The following IQSEC1 variants were observed in gnomAD, a reference collection of about 807,000 sequenced individuals.
The protein encoded by IQSEC1 is IQ motif and SEC7 domain-containing protein 1.
Under a neutral mutation model 91.0 loss-of-function variants are expected in IQSEC1, and 31 were observed. That is an observed-to-expected ratio of 0.34 (90% CI 0.26 to 0.46). The LOEUF (loss-of-function observed/expected upper bound fraction) is 0.46. IQSEC1 is among the 20% of genes least tolerant of loss of function. The pLI is 1.00. For missense variants in IQSEC1, 1,388 were observed against 1,575.6 expected, an observed-to-expected ratio of 0.88 and a Z score of 2.02; for synonymous variants, 699 against 662.6, an observed-to-expected ratio of 1.05 and a Z score of -0.84.
intron 1 of IQSEC1, among the ~76,000 whole-genome samples, chr3:13,025,773 G>A (rs973505356): frequency 6.6e-6 from 1 of 152,196 alleles, no homozygotes; most frequent in African/African-American, 2.4e-5. Flanking sequence ...CTTACTCACT[G>A]GGGGTCCGTG....
chr3:12,987,851 G>A (rs1290543378), intron 1 of IQSEC1, among the ~76,000 whole-genome samples: 3 of 152,186 alleles, frequency 2.0e-5, no homozygotes, highest in Non-Finnish European at 2.9e-5. Context: ...CAACCTCATC[G>A]GGGAGATGCA....
intron 1 of IQSEC1, among the ~76,000 whole-genome samples, chr3:13,191,518 G>C (rs1694032920): frequency 1.2e-5 from 1 of 85,004 alleles, no homozygotes; most frequent in Non-Finnish European, 2.2e-5. Context: ...TGTATTTTTA[G>C]TAGAGACAGG....
intron 2 of IQSEC1, among the ~76,000 whole-genome samples, chr3:13,079,552 G>A (rs965063248): frequency 2.0e-5 from 3 of 152,228 alleles, no homozygotes; most frequent in Non-Finnish European, 4.4e-5. Context: ...CCAGTGTCGT[G>A]GAGACAGAGA....
chr3:12,944,370 G>A (rs554662522), intron 1 of IQSEC1, among the ~76,000 whole-genome samples: 8 of 152,224 alleles, frequency 5.3e-5, no homozygotes, highest in Non-Finnish European at 1.0e-4. Flanking sequence ...GTACAAAGGA[G>A]CAAATGAGTC....
intron 1 of IQSEC1, among the ~76,000 whole-genome samples, chr3:13,200,674 G>T (rs1481055401): frequency 2.6e-5 from 4 of 152,206 alleles, no homozygotes; most frequent in African/African-American, 9.7e-5. Context: ...TGCTCTCCAG[G>T]CTGGGCTGCT....
At chr3:13,213,700 T>C (rs1694487350) in intron 1 of IQSEC1, among the ~76,000 whole-genome samples, 1 of 152,092 alleles carries the variant, frequency 6.6e-6, no homozygotes, top group Non-Finnish European at 1.5e-5. Flanking sequence ...AGCTAAGCAA[T>C]TACCACCACA....
intron 1 of IQSEC1, among the ~76,000 whole-genome samples, chr3:13,043,084 G>A (rs1704348221): frequency 6.6e-6 from 1 of 152,178 alleles, no homozygotes; most frequent in South Asian, 2.1e-4. Flanking sequence ...GGGACACATT[G>A]ATAAAATCTA....
chr3:13,120,493 G>A (rs533994844), intron 2 of IQSEC1, among the ~76,000 whole-genome samples: 1 of 152,192 alleles, frequency 6.6e-6, no homozygotes, highest in African/African-American at 2.4e-5. Flanking sequence ...TCTGGGCTCC[G>A]TGTACTCCTC....
chr3:13,028,888 G>A (rs1227739623), intron 1 of IQSEC1, among the ~76,000 whole-genome samples: 1 of 152,218 alleles, frequency 6.6e-6, no homozygotes, highest in African/African-American at 2.4e-5. Context: ...GCAGATCTGG[G>A]ACTCCGGATC....
intron 1 of IQSEC1, among the ~76,000 whole-genome samples, chr3:13,235,940 C>T (rs961385148): frequency 4.6e-5 from 7 of 152,180 alleles, no homozygotes; most frequent in South Asian, 2.1e-4. Flanking sequence ...GGTTCTGGTC[C>T]CGTTCCTGGT....
At chr3:13,281,636 T>G (rs1196933602) in intron 1 of IQSEC1, among the ~76,000 whole-genome samples, 5 of 152,106 alleles carry the variant, frequency 3.3e-5, no homozygotes, top group Non-Finnish European at 7.4e-5. Flanking sequence ...AAACTCGGGT[T>G]TCCATGACAG....
chr3:13,040,431 T>C (rs1214830856), intron 1 of IQSEC1, among the ~76,000 whole-genome samples: 2 of 152,202 alleles, frequency 1.3e-5, no homozygotes, highest in Non-Finnish European at 2.9e-5. Context: ...AGTCAGGGCT[T>C]AAGAACAAGA....
chr3:12,941,602 T>C lies in IQSEC1; in HGVS notation c.287A>G (p.Tyr96Cys), dbSNP rs1698751818. The change falls in exon 2 of 14, where the codon TAT becomes TGT. Residue 96 changes from tyrosine (Y) to cysteine (C), a missense_variant. Physicochemically the swap from Tyr to Cys is radical, Grantham distance 194. Transcript: ENST00000613206. ...GTCCTGCAGGTCCGAGGAGAGCTCA[T>C]AGCTCTCGGAGAGTGAGCGTGAGCG... ...IKRSRSLSES[Y>C]ELSSDLQDKQ... The C allele has an allele frequency of 6.2e-7, 1 of 1,602,106 alleles. No individual in the cohort carries two copies. The highest frequency in any genetic ancestry group is 1.3e-5 in the African/African-American group (1 of 74,744).
At chr3:13,155,423 A>G (rs1162103197) in intron 2 of IQSEC1, among the ~76,000 whole-genome samples, 1 of 152,234 alleles carries the variant, frequency 6.6e-6, no homozygotes, top group African/African-American at 2.4e-5. Flanking sequence ...AGACTGAATT[A>G]CAAAGAAATA....
chr3:13,263,439 G>GGGGGGCA (rs1553581065), intron 1 of IQSEC1, among the ~76,000 whole-genome samples: 1 of 107,192 alleles, frequency 9.3e-6, no homozygotes, highest in African/African-American at 3.1e-5. Context: ...GGGGGGGGGG[G>GGGGGGCA]AAAGTACCTG....
rs1177024248 is a variant in IQSEC1 at position 12,940,437 on chromosome 3, A to G, written c.318+1134T>C. ...ACCCAAAAATTGTTTTTAAAGAAAA[A>G]GGATAACCAGGAAGATCTGGGAGCA... On this transcript the variant is annotated intron_variant, in intron 2 of 13. Transcript: ENST00000613206. The surrounding 1 kb of genome is among the most constrained non-coding windows in gnomAD (Gnocchi z 4.4). 1.3e-5 allele frequency among the ~76,000 whole-genome samples: 2 copies of G among 151,488 alleles called. No individual in the cohort carries two copies. Among genetic ancestry groups the G allele is most frequent in the Non-Finnish European group, 2.9e-5 (2 of 67,858 alleles).
At chr3:13,190,548 C>G (rs1694003999) in intron 1 of IQSEC1, among the ~76,000 whole-genome samples, 1 of 61,746 alleles carries the variant, frequency 1.6e-5, no homozygotes, top group Admixed American at 1.6e-4. Context: ...AGAGCAAGAC[C>G]CTGTCTCAAA....
chr3:13,159,673 T>A (rs982049716), intron 2 of IQSEC1, among the ~76,000 whole-genome samples: 1 of 152,082 alleles, frequency 6.6e-6, no homozygotes, highest in African/African-American at 2.4e-5. Flanking sequence ...CTTACAAGGG[T>A]GCGGGTGGTT....
intron 1 of IQSEC1, among the ~76,000 whole-genome samples, chr3:13,071,766 CG>C (rs1705437143): frequency 6.7e-6 from 1 of 148,448 alleles, no homozygotes; most frequent in Non-Finnish European, 1.5e-5. Flanking sequence ...CGCCATCCCC[CG>C]AACCAGAGGC....
Sources: allele counts gnomAD v4.1 joint callset (sites outside exome capture counted in the v4.1 genomes callset), GRCh38; gene constraint gnomAD v4.1.1; non-coding constraint Gnocchi (gnomAD v3.1); transcripts MANE v1.5; gene names NCBI Gene and HGNC (gene_info 2026-07-23, HGNC 2026-07-21).